Variants in SAMD12 observed in about 807,000 individuals in gnomAD.
The protein encoded by SAMD12 is sterile alpha motif domain containing 12, also known as sterile alpha motif domain-containing protein 12.
SAMD12 carries 9 observed loss-of-function variants against 15.0 expected under a neutral mutation model. The ratio of observed to expected loss-of-function variants is 0.60; its 90% CI spans 0.36 to 1.05. SAMD12 has a LOEUF of 1.05. Among genes scored for constraint, SAMD12 ranks in the 50% least tolerant of loss-of-function variants. The probability of loss-of-function intolerance (pLI) is 0.01; values close to 1 mark genes in which losing one functional copy is unlikely to be tolerated. For synonymous variants in SAMD12, 86 were observed against 90.1 expected, an observed-to-expected ratio of 0.96 and a Z score of 0.25; for missense variants, 230 against 234.2, an observed-to-expected ratio of 0.98 and a Z score of 0.12.
At chr8:118,151,043 A>T in the SAMD12 span, among the ~76,000 whole-genome samples, 1 of 150,016 alleles carries the variant, frequency 6.7e-6, no homozygotes, top group Admixed American at 6.7e-5. Context: ...TCTCTAAAAA[A>T]ATTTTTTTTT....
chr8:118,438,672 A>G (rs1822646359), intron 3 of SAMD12, among the ~76,000 whole-genome samples: 1 of 152,150 alleles, frequency 6.6e-6, no homozygotes, highest in African/African-American at 2.4e-5. Flanking sequence ...GCAAAAAGAA[A>G]TACTTTCTGC....
intron 2 of SAMD12, among the ~76,000 whole-genome samples, chr8:118,551,471 A>T (rs1290513063): frequency 1.3e-5 from 2 of 152,028 alleles, no homozygotes; most frequent in Non-Finnish European, 2.9e-5. Flanking sequence ...ATGTTCTTTG[A>T]AACCAACGAG....
intron 1 of SAMD12, among the ~76,000 whole-genome samples, chr8:118,588,900 A>C (rs946402546): frequency 6.6e-6 from 1 of 152,202 alleles, no homozygotes; most frequent in Admixed American, 6.5e-5. Flanking sequence ...ACAGAATATG[A>C]TTTCCAAATT....
At chr8:118,608,273 C>T (rs1023535561) in intron 1 of SAMD12, among the ~76,000 whole-genome samples, 2 of 151,732 alleles carry the variant, frequency 1.3e-5, no homozygotes, top group Non-Finnish European at 2.9e-5. Context: ...ACACACCTTG[C>T]TGGCTGGTTG....
the SAMD12 span, among the ~76,000 whole-genome samples, chr8:118,176,884 G>A: frequency 3.6e-4 from 55 of 152,174 alleles, no homozygotes; most frequent in African/African-American, 1.2e-3. Flanking sequence ...CAGTTTTCCC[G>A]TAAATGTCCT....
chr8:118,273,923 G>A (rs577893012), intron 4 of SAMD12, among the ~76,000 whole-genome samples: 1 of 152,314 alleles, frequency 6.6e-6, no homozygotes, highest in African/African-American at 2.4e-5. Context: ...GACACTAAGA[G>A]TGGCTGTGAT....
chr8:118,583,685 G>A (rs1001573511), intron 1 of SAMD12, among the ~76,000 whole-genome samples: 3 of 151,958 alleles, frequency 2.0e-5, no homozygotes, highest in Admixed American at 6.6e-5. Context: ...CCTATCTCCT[G>A]CTCTTTGGGA....
the SAMD12 span, among the ~76,000 whole-genome samples, chr8:118,165,587 TATATATAC>T: frequency 8.9e-5 from 11 of 123,252 alleles, no homozygotes; most frequent in Admixed American, 3.0e-4. Flanking sequence ...CATAAATCTA[TATATATAC>T]ATATATACAT....
intron 2 of SAMD12, among the ~76,000 whole-genome samples, chr8:118,494,604 A>G (rs1432718965): frequency 6.6e-6 from 1 of 152,202 alleles, no homozygotes; most frequent in Non-Finnish European, 1.5e-5. Flanking sequence ...GCGCTCCCTC[A>G]GTCCCAAACA....
chr8:118,165,626 A>AAATACACATATATACATATATATGTG, the SAMD12 span, among the ~76,000 whole-genome samples: 1 of 143,608 alleles, frequency 7.0e-6, no homozygotes, highest in African/African-American at 2.6e-5. Context: ...ATATATATAT[A>AAATACACATATATACATATATATGTG]TATATATATA....
intron 4 of SAMD12, among the ~76,000 whole-genome samples, chr8:118,364,962 CT>C (rs1173784105): frequency 1.3e-5 from 2 of 152,264 alleles, no homozygotes; most frequent in East Asian, 1.9e-4. Flanking sequence ...GTCTTGCCCC[CT>C]GTCTTTGCTT....
At chr8:118,151,068 C>T in the SAMD12 span, among the ~76,000 whole-genome samples, 3 of 136,032 alleles carry the variant, frequency 2.2e-5, no homozygotes, top group Admixed American at 1.5e-4. Context: ...TCTAGTTTGA[C>T]GGATTTTTTC....
At chr8:118,358,671 C>G (rs192472594) in intron 4 of SAMD12, among the ~76,000 whole-genome samples, 2 of 152,116 alleles carry the variant, frequency 1.3e-5, no homozygotes, top group African/African-American at 4.8e-5. Flanking sequence ...CCCCTGCACA[C>G]CTTTTCTGTC....
At chr8:118,534,262 A>T (rs1035924219) in intron 2 of SAMD12, among the ~76,000 whole-genome samples, 7 of 152,134 alleles carry the variant, frequency 4.6e-5, no homozygotes, top group African/African-American at 7.2e-5. Context: ...AGAATGTTGA[A>T]TATTGGCCCC....
At chr8:118,413,162 C>A (rs867079632) in intron 3 of SAMD12, among the ~76,000 whole-genome samples, 2 of 152,042 alleles carry the variant, frequency 1.3e-5, no homozygotes, top group Non-Finnish European at 1.5e-5. Context: ...CAGCCAAGAC[C>A]AGAAGGTCCA....
intron 2 of SAMD12, among the ~76,000 whole-genome samples, chr8:118,473,335 A>G (rs1823858913): frequency 6.6e-6 from 1 of 152,188 alleles, no homozygotes; most frequent in Non-Finnish European, 1.5e-5. Context: ...CAAAAATCCT[A>G]GTGAGTACGC....
intron 2 of SAMD12, among the ~76,000 whole-genome samples, chr8:118,540,143 A>C (rs1825949082): frequency 6.6e-6 from 1 of 152,150 alleles, no homozygotes; most frequent in Non-Finnish European, 1.5e-5. Flanking sequence ...TCACACTTTC[A>C]GCTGTTCCAG....
chr8:118,285,302 A>C (rs1423615130), intron 4 of SAMD12, among the ~76,000 whole-genome samples: 3 of 152,160 alleles, frequency 2.0e-5, no homozygotes, highest in African/African-American at 7.2e-5. Context: ...TCCGTGAGAG[A>C]TCCAATAGTC....
intron 1 of SAMD12, among the ~76,000 whole-genome samples, chr8:118,597,091 G>A (rs1157596013): frequency 1.3e-5 from 2 of 152,296 alleles, no homozygotes; most frequent in Non-Finnish European, 1.5e-5. Context: ...GGGGCACAGA[G>A]GGTGTGGGAA....
Sources: allele counts gnomAD v4.1 joint callset (sites outside exome capture counted in the v4.1 genomes callset), GRCh38; gene constraint gnomAD v4.1.1; transcripts MANE v1.5; gene names NCBI Gene and HGNC (gene_info 2026-07-23, HGNC 2026-07-21).